The following PPARGC1A variants were observed in gnomAD, a reference collection of about 807,000 sequenced individuals.
PPARGC1A encodes the protein PPARG coactivator 1 alpha.
A neutral mutation model predicts 88.7 loss-of-function variants in PPARGC1A; 25 were observed. The observed-to-expected ratio is 0.28, with a 90% CI of 0.21 to 0.39. The LOEUF (loss-of-function observed/expected upper bound fraction) is 0.39, where lower values mean the gene tolerates loss of function less well. Ranked by LOEUF, PPARGC1A falls within the 10% of genes least tolerant of loss-of-function variation. The pLI is 1.00. For missense variants in PPARGC1A, 880 were observed against 968.7 expected (o/e 0.91, Z 1.22); for synonymous variants, 363 against 355.6 (o/e 1.02, Z -0.24).
At chr4:24,081,013 G>A in the PPARGC1A span, among the ~76,000 whole-genome samples, 1 of 152,060 alleles carries the variant, frequency 6.6e-6, no homozygotes, top group Non-Finnish European at 1.5e-5. Flanking sequence ...TAGGCAGGCA[G>A]AACATAGACA....
chr4:24,387,394 G>C, the PPARGC1A span, among the ~76,000 whole-genome samples: 1 of 152,098 alleles, frequency 6.6e-6, no homozygotes, highest in South Asian at 2.1e-4. Context: ...TTGACCAATG[G>C]AATGTAATTA....
At chr4:24,169,190 C>T in the PPARGC1A span, among the ~76,000 whole-genome samples, 1 of 152,090 alleles carries the variant, frequency 6.6e-6, no homozygotes, top group Non-Finnish European at 1.5e-5. Flanking sequence ...AGACTAATCC[C>T]AGGTGAAGGA....
chr4:24,131,982 A>T, the PPARGC1A span, among the ~76,000 whole-genome samples: 1 of 152,220 alleles, frequency 6.6e-6, no homozygotes, highest in African/African-American at 2.4e-5. Context: ...ACCCATATTT[A>T]TGTTAAAACA....
At chr4:23,895,411 CA>C (rs1386452953) in intron 1 of PPARGC1A, among the ~76,000 whole-genome samples, 1 of 150,720 alleles carries the variant, frequency 6.6e-6, no homozygotes, top group Non-Finnish European at 1.5e-5. Flanking sequence ...TGGGTTTTTC[CA>C]GTGCTTTGAT....
chr4:24,311,685 A>T, the PPARGC1A span, among the ~76,000 whole-genome samples: 1 of 152,064 alleles, frequency 6.6e-6, no homozygotes, highest in Non-Finnish European at 1.5e-5. Flanking sequence ...GGATAGGTTT[A>T]ACAGCAGAAT....
chr4:24,329,561 T>C, the PPARGC1A span, among the ~76,000 whole-genome samples: 30 of 152,290 alleles, frequency 2.0e-4, no homozygotes, highest in African/African-American at 7.2e-4. Flanking sequence ...TCTCTTTACC[T>C]GGCAATCCTC....
chr4:24,159,630 A>C, the PPARGC1A span, among the ~76,000 whole-genome samples: 2 of 152,176 alleles, frequency 1.3e-5, no homozygotes, highest in African/African-American at 4.8e-5. Context: ...GTTATTGTTA[A>C]ATTAAATTAG....
chr4:24,448,348 A>G, the PPARGC1A span, among the ~76,000 whole-genome samples: 1 of 152,178 alleles, frequency 6.6e-6, no homozygotes, highest in Non-Finnish European at 1.5e-5. Flanking sequence ...ATGCCTCTCC[A>G]TCTTTAGTCC....
chr4:24,262,053 C>A, the PPARGC1A span, among the ~76,000 whole-genome samples: 1 of 152,146 alleles, frequency 6.6e-6, no homozygotes, highest in East Asian at 1.9e-4. Context: ...ATATTCCCAG[C>A]GGCAGTCTCA....
chr4:23,835,127 T>A lies in PPARGC1A; in HGVS notation c.235-3376A>T, dbSNP rs111978604. ...AAATGGATAATTTTGTTTACTATGA[T>A]GTAAATTTTGTGTTTGGCTTTCCAG... On this transcript the variant is annotated intron_variant, in intron 2 of 12. Transcript: ENST00000264867. Among the ~76,000 whole-genome samples the A allele has an allele frequency of 5.0e-3, 758 of 152,336 alleles. 5 individuals are homozygous for A. The highest frequency in any genetic ancestry group is 0.016 in the African/African-American group (660 of 41,586).
chr4:23,834,335 A>G (rs1577443199), intron 2 of PPARGC1A, among the ~76,000 whole-genome samples: 1 of 151,848 alleles, frequency 6.6e-6, no homozygotes, highest in Non-Finnish European at 1.5e-5. Context: ...ACACATATAT[A>G]TAAATTAGCT....
At chr4:23,969,903 C>T in the PPARGC1A span, among the ~76,000 whole-genome samples, 1 of 152,170 alleles carries the variant, frequency 6.6e-6, no homozygotes, top group East Asian at 1.9e-4. Context: ...TTAATCTTTT[C>T]TCCCGGGATG....
the PPARGC1A span, among the ~76,000 whole-genome samples, chr4:24,381,324 G>A: frequency 3.4e-3 from 515 of 152,328 alleles, 5 homozygotes; most frequent in African/African-American, 0.012. Context: ...TAAGGAGAGT[G>A]TGGCAACTCT....
chr4:23,955,115 A>T, the PPARGC1A span, among the ~76,000 whole-genome samples: 2 of 152,110 alleles, frequency 1.3e-5, no homozygotes, highest in African/African-American at 4.8e-5. Flanking sequence ...CATTCAATTT[A>T]AGTTCAAATC....
At chr4:23,861,128 G>A (rs1336332188) in intron 2 of PPARGC1A, among the ~76,000 whole-genome samples, 2 of 152,200 alleles carry the variant, frequency 1.3e-5, no homozygotes, top group African/African-American at 2.4e-5. Context: ...GTGCTGCAGT[G>A]GGAGTGGTTG....
rs531018575 is a variant in PPARGC1A, at chr4:23,795,090, A to C, written c.*732T>G. 6.6e-6 allele frequency: 1 copy of C among 151,180 alleles called. No individual in the cohort carries two copies. Among genetic ancestry groups the C allele is most frequent in the Non-Finnish European group, 1.5e-5 (1 of 67,776 alleles). The allele number at this position is 151,180 out of a possible 1,614,324, so 9.4% of individuals were successfully genotyped here. ...GAGAGAGAGAGAGAGACAGGATATT[A>C]GTTCTATGGAACCTGTGGTTTCTTC... is the stretch of plus-strand genomic sequence containing the variant. On this transcript the variant is annotated 3_prime_UTR_variant, in exon 13 of 13. Coordinates refer to ENST00000264867, the MANE Select transcript of PPARGC1A (RefSeq NM_013261.5).
At chr4:24,429,653 T>TG in the PPARGC1A span, among the ~76,000 whole-genome samples, 19 of 137,834 alleles carry the variant, frequency 1.4e-4, no homozygotes, top group African/African-American at 4.7e-4. Context: ...CAGTGAGAAT[T>TG]TTTTTTTTTT....
At chr4:24,150,862 A>G in the PPARGC1A span, among the ~76,000 whole-genome samples, 1 of 152,088 alleles carries the variant, frequency 6.6e-6, no homozygotes, top group African/African-American at 2.4e-5. Flanking sequence ...TACTGCCCCC[A>G]AGGACCTCCA....
chr4:24,079,862 A>G, the PPARGC1A span, among the ~76,000 whole-genome samples: 1 of 151,970 alleles, frequency 6.6e-6, no homozygotes. Flanking sequence ...TTAAGCTCTT[A>G]TATTCAATAG....
Sources: gnomAD v4.1 joint callset for allele counts (sites outside exome capture counted in the v4.1 genomes callset) on GRCh38, gnomAD v4.1.1 for gene constraint, MANE v1.5 for transcripts, NCBI Gene and HGNC (gene_info 2026-07-23, HGNC 2026-07-21) for gene names.